Variants in PPP3CB observed in about 807,000 individuals in gnomAD.
PPP3CB encodes protein phosphatase 3 catalytic subunit beta.
A neutral mutation model predicts 66.4 loss-of-function variants in PPP3CB; 8 were observed. The observed-to-expected ratio is 0.12, with a 90% CI of 0.07 to 0.22. PPP3CB has a LOEUF of 0.22. Among genes scored for constraint, PPP3CB ranks in the 10% least tolerant of loss-of-function variants. PPP3CB has a pLI of 1.00. For synonymous variants in PPP3CB, 208 were observed against 221.2 expected, an observed-to-expected ratio of 0.94 and a Z score of 0.53; for missense variants, 319 against 642.5, an observed-to-expected ratio of 0.50 and a Z score of 5.44.
At chr10:73,469,762 C>T (rs2056674788) in intron 8 of PPP3CB, among the ~76,000 whole-genome samples, 1 of 152,120 alleles carries the variant, frequency 6.6e-6, no homozygotes, top group African/African-American at 2.4e-5. Context: ...ACACCATGAC[C>T]CTTATTTAGC....
intron 1 of PPP3CB, among the ~76,000 whole-genome samples, chr10:73,481,179 T>A (rs1292051101): frequency 6.6e-6 from 1 of 150,722 alleles, no homozygotes; most frequent in Non-Finnish European, 1.5e-5. Context: ...TTTTTTTTTT[T>A]TTTAGAAAAA....
intron 1 of PPP3CB, among the ~76,000 whole-genome samples, chr10:73,494,239 G>C (rs1471805651): frequency 1.3e-5 from 2 of 151,980 alleles, no homozygotes; most frequent in Non-Finnish European, 2.9e-5. Context: ...GGCCCAACTG[G>C]ATATACTACT....
chr10:73,478,693 G>A (rs574057847), intron 2 of PPP3CB, 70 bp from the exon 3 acceptor site: 472 of 1,363,222 alleles, frequency 3.5e-4, no homozygotes, highest in Middle Eastern at 1.6e-3. Context: ...AAGTTAAAAC[G>A]TATTTTACAT....
At chr10:73,471,256 A>G in intron 5 of PPP3CB, 47 bp from the exon 6 acceptor site, 1 of 1,540,928 alleles carries the variant, frequency 6.5e-7, no homozygotes, top group Non-Finnish European at 8.8e-7. Context: ...ATCAAAAAGT[A>G]AGGATAAAAT....
At chr10:73,487,006 C>A (rs1215178176) in intron 1 of PPP3CB, among the ~76,000 whole-genome samples, 1 of 151,822 alleles carries the variant, frequency 6.6e-6, no homozygotes, top group East Asian at 1.9e-4. Context: ...CCCATCTGTA[C>A]TAAAAATACA....
intron 10 of PPP3CB, among the ~76,000 whole-genome samples, chr10:73,453,136 T>C (rs528439580): frequency 1.3e-5 from 2 of 152,284 alleles, no homozygotes; most frequent in African/African-American, 2.4e-5. Flanking sequence ...TCCAATGAGG[T>C]AGTCCTGTGG....
In PPP3CB at chr10:73,470,623, T is replaced by C. The variant is rs536626527; in HGVS notation, c.982+64A>G. 6.7e-4 allele frequency: 676 copies of C among 1,014,230 alleles called. 2 individuals carry two copies. The highest frequency in any genetic ancestry group is 3.6e-4 in the Non-Finnish European group (252 of 709,304). The allele number at this position is 1,014,230 out of a possible 1,614,324, so 62.8% of individuals were successfully genotyped here. A position where few individuals can be genotyped will look rare whatever the true frequency, so the allele number is the denominator to read the frequency against. ...TTCAAACAACACCCCTTTTTTATTA[T>C]ATTAAAAAAAGTCAATTAAAATACT... is the stretch of plus-strand genomic sequence containing the variant. On this transcript the variant is annotated intron_variant, in intron 8 of 13. Coordinates refer to ENST00000360663, the MANE Select transcript of PPP3CB (RefSeq NM_021132.4).
chr10:73,485,743 T>C (rs2133012978), intron 1 of PPP3CB, among the ~76,000 whole-genome samples: 1 of 152,204 alleles, frequency 6.6e-6, no homozygotes, highest in South Asian at 2.1e-4. Flanking sequence ...ACACAATCTC[T>C]TTTTTTGTTG....
intron 1 of PPP3CB, among the ~76,000 whole-genome samples, chr10:73,481,437 C>A (rs1452747970): frequency 6.6e-6 from 1 of 151,024 alleles, no homozygotes; most frequent in Non-Finnish European, 1.5e-5. Flanking sequence ...TACACCACTG[C>A]ACTCCAGCCT....
chr10:73,475,041 A>C lies in PPP3CB; in HGVS notation c.412-11T>G. ...TAAATATAAGACACACTGCAAAAGAAAATTTTTCTAGTGAATTTATCTTGT... is the reference window on the plus strand; with the variant it reads ...TAAATATAAGACACACTGCAAAAGACAATTTTTCTAGTGAATTTATCTTGT... On this transcript the variant is annotated splice_polypyrimidine_tract_variant and intron_variant, in intron 3 of 13. Transcript: ENST00000360663. The C allele has an allele frequency of 6.2e-7, 1 of 1,604,236 alleles. No homozygotes were observed. Among genetic ancestry groups the C allele is most frequent in the Non-Finnish European group, 8.5e-7 (1 of 1,177,020 alleles).
At chr10:73,480,514 G>A (rs377644984) in intron 1 of PPP3CB, among the ~76,000 whole-genome samples, 1 of 147,552 alleles carries the variant, frequency 6.8e-6, no homozygotes, top group Non-Finnish European at 1.5e-5. Flanking sequence ...GCGTGAACTC[G>A]GCTCACTGCA....
intron 8 of PPP3CB, among the ~76,000 whole-genome samples, chr10:73,468,681 T>A (rs1038058948): frequency 6.6e-6 from 1 of 152,238 alleles, no homozygotes; most frequent in South Asian, 2.1e-4. Context: ...CCAACATTTG[T>A]GATTGTGGCT....
intron 9 of PPP3CB, among the ~76,000 whole-genome samples, chr10:73,458,947 G>A (rs1370437020): frequency 1.3e-5 from 2 of 152,040 alleles, no homozygotes; most frequent in South Asian, 2.1e-4. Context: ...GTGCGTGCCT[G>A]TAATCCCAGC....
At chr10:73,456,581 A>G (rs567207086) in intron 9 of PPP3CB, among the ~76,000 whole-genome samples, 1 of 152,332 alleles carries the variant, frequency 6.6e-6, no homozygotes, top group East Asian at 1.9e-4. Context: ...TTCAGTGGCT[A>G]AAGAACAGTC....
chr10:73,450,380 T>A lies in PPP3CB; in HGVS notation c.1187-3807A>T, dbSNP rs184570223. On this transcript the variant is annotated intron_variant, in intron 10 of 13. Coordinates refer to ENST00000360663, the MANE Select transcript of PPP3CB (RefSeq NM_021132.4). Reference sequence around the variant, plus strand: ...GAGGGAAGAAATCAGGGAGTACAAATAAGGAAGGGAAATAAACCTATTTCC... The same window carrying A: ...GAGGGAAGAAATCAGGGAGTACAAAAAAGGAAGGGAAATAAACCTATTTCC... 4.8e-3 allele frequency among the ~76,000 whole-genome samples: 731 copies of A among 151,496 alleles called. 2 individuals carry two copies. Among genetic ancestry groups the A allele is most frequent in the African/African-American group, 0.017 (696 of 41,218 alleles).
At chr10:73,452,793 C>T (rs1161189666) in intron 10 of PPP3CB, among the ~76,000 whole-genome samples, 1 of 151,764 alleles carries the variant, frequency 6.6e-6, no homozygotes, top group East Asian at 1.9e-4. Flanking sequence ...AATAAATATA[C>T]TATGTCAGTT....
At chr10:73,453,485 A>G (rs1181397954) in intron 10 of PPP3CB, among the ~76,000 whole-genome samples, 2 of 151,962 alleles carry the variant, frequency 1.3e-5, no homozygotes, top group African/African-American at 4.8e-5. Flanking sequence ...CTGGTCTCCA[A>G]CTCCTGGGCT....
intron 10 of PPP3CB, among the ~76,000 whole-genome samples, chr10:73,446,864 A>C (rs555803237): frequency 7.2e-5 from 11 of 152,358 alleles, no homozygotes; most frequent in Admixed American, 2.0e-4. Context: ...GGAAAAAAAA[A>C]CAAACAAACT....
chr10:73,444,475 A>T, intron 12 of PPP3CB: 5 of 1,103,896 alleles, frequency 4.5e-6, no homozygotes, highest in Non-Finnish European at 6.4e-6. Flanking sequence ...AGCTGCTCCC[A>T]TATCATTTCA....
Sources: gnomAD v4.1 joint callset for allele counts (sites outside exome capture counted in the v4.1 genomes callset) on GRCh38, gnomAD v4.1.1 for gene constraint, MANE v1.5 for transcripts, NCBI Gene and HGNC (gene_info 2026-07-23, HGNC 2026-07-21) for gene names.